Variants in PRR16 observed in about 807,000 individuals in gnomAD.
PRR16 encodes proline rich 16.
PRR16 carries 6 observed loss-of-function variants against 18.2 expected under a neutral mutation model. The ratio of observed to expected loss-of-function variants is 0.33; its 90% CI spans 0.18 to 0.65. PRR16 has a LOEUF of 0.65. PRR16 is among the 30% of genes least tolerant of loss of function. The pLI, the probability that PRR16 is intolerant of heterozygous loss-of-function variation, is 0.74. For missense variants in PRR16, 412 were observed against 376.6 expected (o/e 1.09, Z -0.78); for synonymous variants, 151 against 147.8 (o/e 1.02, Z -0.16).
Position 120,686,766 on chromosome 5 carries a change from G to A in PRR16, c.*57G>A, listed in dbSNP as rs1004623325. 9.4e-6 allele frequency: 12 copies of A among 1,280,778 alleles called. No homozygotes were observed. The highest frequency in any genetic ancestry group is 5.3e-5 in the East Asian group (2 of 37,868). The allele number at this position is 1,280,778 out of a possible 1,614,324, so 79.3% of individuals were successfully genotyped here. A position where few individuals can be genotyped will look rare whatever the true frequency, so the allele number is the denominator to read the frequency against. Reference sequence around the variant, plus strand: ...TTTCTATATTATAAACATAAAATAAGTAATGAGCACTTTCTACTCAAGCAA... The same window carrying A: ...TTTCTATATTATAAACATAAAATAAATAATGAGCACTTTCTACTCAAGCAA... On this transcript the variant is annotated 3_prime_UTR_variant, in exon 2 of 2. Transcript: ENST00000407149.
At chr5:120,767,363 A>G in the PRR16 span, among the ~76,000 whole-genome samples, 1 of 151,854 alleles carries the variant, frequency 6.6e-6, no homozygotes, top group South Asian at 2.1e-4. Flanking sequence ...AACCTTCACA[A>G]AGTTCTATGC....
chr5:120,511,614 T>C (rs1247148489), intron 1 of PRR16, among the ~76,000 whole-genome samples: 1 of 152,200 alleles, frequency 6.6e-6, no homozygotes, highest in Non-Finnish European at 1.5e-5. Context: ...GGTAGATTAA[T>C]TCAGTATTTA....
chr5:120,512,887 C>G (rs1463687526), intron 1 of PRR16, among the ~76,000 whole-genome samples: 1 of 152,088 alleles, frequency 6.6e-6, no homozygotes, highest in Non-Finnish European at 1.5e-5. Context: ...GGTCAGGACT[C>G]ACATACTATA....
chr5:120,592,378 T>G (rs1337554316), intron 1 of PRR16, among the ~76,000 whole-genome samples: 3 of 152,210 alleles, frequency 2.0e-5, no homozygotes, highest in Non-Finnish European at 2.9e-5. Context: ...GAATTGATAG[T>G]AAATGCAACT....
the PRR16 span, among the ~76,000 whole-genome samples, chr5:120,757,303 C>G: frequency 1.3e-5 from 2 of 151,938 alleles, no homozygotes; most frequent in African/African-American, 4.8e-5. Context: ...TATGCAGGTT[C>G]TTTTTTGGTT....
the PRR16 span, among the ~76,000 whole-genome samples, chr5:120,755,041 T>C: frequency 6.9e-6 from 1 of 144,588 alleles, no homozygotes; most frequent in African/African-American, 2.6e-5. Flanking sequence ...TTCTTTCTTT[T>C]GTCATTTTGG....
intron 1 of PRR16, among the ~76,000 whole-genome samples, chr5:120,597,743 A>T (rs1414765654): frequency 6.6e-6 from 1 of 151,798 alleles, no homozygotes; most frequent in African/African-American, 2.4e-5. Flanking sequence ...ATTCTTCCAA[A>T]TCTGTAAGGC....
downstream of PRR16, among the ~76,000 whole-genome samples, chr5:120,690,953 A>G (rs1757202061): frequency 1.3e-5 from 2 of 152,216 alleles, no homozygotes; most frequent in Admixed American, 6.5e-5. Flanking sequence ...GGGGTATGGA[A>G]TTGTGTAAAG....
At chr5:120,767,478 A>C in the PRR16 span, among the ~76,000 whole-genome samples, 87,109 of 151,606 alleles carry the variant, frequency 0.57, 25,657 homozygotes, top group East Asian at 0.79. Flanking sequence ...AAGTGATGTC[A>C]GGAAAGACAT....
intron 1 of PRR16, among the ~76,000 whole-genome samples, chr5:120,597,263 T>C (rs1256381880): frequency 6.6e-6 from 1 of 151,642 alleles, no homozygotes; most frequent in Non-Finnish European, 1.5e-5. Flanking sequence ...ATATTGTTAA[T>C]ATTATATCTT....
intron 1 of PRR16, among the ~76,000 whole-genome samples, chr5:120,536,104 T>C (rs1430895146): frequency 6.6e-6 from 1 of 152,218 alleles, no homozygotes. Flanking sequence ...AAATATCACA[T>C]CAACTAGTGC....
At chr5:120,717,664 A>G in the PRR16 span, among the ~76,000 whole-genome samples, 213 of 152,298 alleles carry the variant, frequency 1.4e-3, 2 homozygotes, top group African/African-American at 4.8e-3. Context: ...AAAAGGCCCA[A>G]TCTGAGCATT....
chr5:120,588,330 G>T (rs1248372901), intron 1 of PRR16, among the ~76,000 whole-genome samples: 1 of 152,142 alleles, frequency 6.6e-6, no homozygotes, highest in East Asian at 1.9e-4. Flanking sequence ...TGTGTAAAAT[G>T]CTATCAGCCT....
chr5:120,573,004 A>G (rs932667030), intron 1 of PRR16, among the ~76,000 whole-genome samples: 13 of 152,172 alleles, frequency 8.5e-5, no homozygotes, highest in African/African-American at 2.7e-4. Flanking sequence ...GAGCAAGTGG[A>G]GAAAGCTAGT....
At chr5:120,520,914 T>A (rs960575320) in intron 1 of PRR16, among the ~76,000 whole-genome samples, 10 of 152,106 alleles carry the variant, frequency 6.6e-5, no homozygotes, top group African/African-American at 2.2e-4. Flanking sequence ...TTTTTTTTTA[T>A]ACACAGCATC....
intron 1 of PRR16, among the ~76,000 whole-genome samples, chr5:120,519,737 T>A (rs1374263013): frequency 2.0e-5 from 3 of 152,052 alleles, no homozygotes; most frequent in Non-Finnish European, 4.4e-5. Context: ...CTTTTATTTT[T>A]TAAAAAAATA....
At chr5:120,629,771 C>A (rs1754994472) in intron 1 of PRR16, among the ~76,000 whole-genome samples, 2 of 151,878 alleles carry the variant, frequency 1.3e-5, no homozygotes, top group African/African-American at 2.4e-5. Context: ...ATTTACTTTA[C>A]CCTTCATTTT....
At chr5:120,780,340 A>G in the PRR16 span, among the ~76,000 whole-genome samples, 1 of 152,200 alleles carries the variant, frequency 6.6e-6, no homozygotes, top group African/African-American at 2.4e-5. Flanking sequence ...ATTCCTGTAG[A>G]AGGAGTACTG....
At chr5:120,769,020 C>A in the PRR16 span, among the ~76,000 whole-genome samples, 1 of 151,666 alleles carries the variant, frequency 6.6e-6, no homozygotes, top group Admixed American at 6.6e-5. Flanking sequence ...CCAACATGTA[C>A]CTGATCTACA....
Sources: allele counts gnomAD v4.1 joint callset (sites outside exome capture counted in the v4.1 genomes callset), GRCh38; gene constraint gnomAD v4.1.1; transcripts MANE v1.5; gene names NCBI Gene and HGNC (gene_info 2026-07-23, HGNC 2026-07-21).